POLR1B: variants seen among roughly 807,000 people sequenced by gnomAD.
The protein encoded by POLR1B is DNA-directed RNA polymerase I subunit RPA2.
A neutral mutation model predicts 105.8 loss-of-function variants in POLR1B; 30 were observed. That is an observed-to-expected ratio of 0.28 (90% CI 0.21 to 0.38). The LOEUF (loss-of-function observed/expected upper bound fraction) is 0.38. Among genes scored for constraint, POLR1B ranks in the 10% least tolerant of loss-of-function variants. POLR1B has a pLI of 1.00. For missense variants in POLR1B, 976 were observed against 1,435.8 expected, an observed-to-expected ratio of 0.68 and a Z score of 5.17; for synonymous variants, 485 against 505.1, an observed-to-expected ratio of 0.96 and a Z score of 0.53.
chr2:112,550,923 A>C lies in POLR1B; in HGVS notation c.683A>C (p.Tyr228Ser). 1.9e-6 allele frequency: 3 copies of C among 1,613,758 alleles called. No individual in the cohort carries two copies. Among genetic ancestry groups the C allele is most frequent in the Non-Finnish European group, 2.5e-6 (3 of 1,179,626 alleles). Reference protein sequence around the residue: ...EHSAVNMNLHYLENGTVMLNF... With the variant: ...EHSAVNMNLHSLENGTVMLNF... ...TCCGCTGTCAATATGAACCTCCACTACTTGGAAAATGGCACTGTTATGTTG... is the reference window on the plus strand; with the variant it reads ...TCCGCTGTCAATATGAACCTCCACTCCTTGGAAAATGGCACTGTTATGTTG... Residue 228 changes from tyrosine to serine, a missense_variant, in exon 5 of 15, where the codon TAC becomes TCC. Physicochemically the swap from Tyr to Ser is moderately radical, Grantham distance 144. Coordinates refer to ENST00000263331, the MANE Select transcript of POLR1B (RefSeq NM_019014.6).
rs944730455 is a variant in POLR1B at position 112,561,048 on chromosome 2, G to C, written c.1612+1474G>C. ...CCACTGCACTCCAGCCTGGGTGACAGAGTGAGACTCCATCTAAAAAAAAAA... is the reference window on the plus strand; with the variant it reads ...CCACTGCACTCCAGCCTGGGTGACACAGTGAGACTCCATCTAAAAAAAAAA... On this transcript the variant is annotated intron_variant, in intron 9 of 14. Coordinates refer to ENST00000263331, the MANE Select transcript of POLR1B (RefSeq NM_019014.6). 4.2e-5 allele frequency among the ~76,000 whole-genome samples: 6 copies of C among 143,824 alleles called. 1 individual carries two copies. The highest frequency in any genetic ancestry group is 1.5e-4 in the African/African-American group (6 of 39,542). The allele number at this position is 143,824 out of a possible 152,430, so 94.4% of individuals were successfully genotyped here.
In POLR1B at chr2:112,575,386, C is replaced by G; in HGVS notation, c.3065C>G (p.Thr1022Ser). ...VRTTGARDRVTNQPIGGRNVQ... is the reference protein window; with the variant it reads ...VRTTGARDRVSNQPIGGRNVQ... ...ACAACTGGAGCCCGAGACAGAGTCA[C>G]CAACCAGCCTATTGGGGGAAGAAAT... is the stretch of plus-strand genomic sequence containing the variant. Residue 1022 changes from threonine (T) to serine (S), a missense_variant, in exon 15 of 15, where the codon ACC becomes AGC. Physicochemically the swap from Thr to Ser is moderately conservative, Grantham distance 58. Around this residue, in one of 12 missense-constraint regions of POLR1B, gnomAD observed 13 missense variants for 49.1 expected, o/e 0.26. Transcript: ENST00000263331. The surrounding 1 kb of genome is among the most constrained non-coding windows in gnomAD (Gnocchi z 5.3). The G allele has an allele frequency of 6.2e-7, 1 of 1,614,184 alleles. No individual in the cohort carries two copies. The highest frequency in any genetic ancestry group is 1.1e-5 in the South Asian group (1 of 91,088).
chr2:112,569,850 C>T (rs1318810128), intron 12 of POLR1B, among the ~76,000 whole-genome samples: 2 of 151,966 alleles, frequency 1.3e-5, no homozygotes, highest in African/African-American at 2.4e-5. Context: ...TGAGCCACTG[C>T]GCCCGGCCTC....
upstream of POLR1B, chr2:112,542,073 G>C: frequency 1.3e-6 from 2 of 1,529,094 alleles, no homozygotes; most frequent in Non-Finnish European, 1.8e-6. Context: ...CGGCATCAGC[G>C]TGGGACTGGG....
intron 4 of POLR1B, chr2:112,550,652 G>A (rs184239671): frequency 4.8e-4 from 273 of 564,722 alleles, no homozygotes; most frequent in African/African-American, 4.5e-3. Context: ...TCATAGTTTC[G>A]GTTATTTTAC....
At chr2:112,546,544 C>CTTTTTTTTTTTTTTTTTTTT in intron 1 of POLR1B, among the ~76,000 whole-genome samples, 1 of 53,158 alleles carries the variant, frequency 1.9e-5, no homozygotes, top group Non-Finnish European at 3.1e-5. Context: ...CTGGAGGTAG[C>CTTTTTTTTTTTTTTTTTTTT]TTTTTTTTTT....
chr2:112,555,594 G>T (rs1183410926), intron 7 of POLR1B, among the ~76,000 whole-genome samples: 1 of 152,176 alleles, frequency 6.6e-6, no homozygotes, highest in Non-Finnish European at 1.5e-5. Flanking sequence ...GGAGGATGCA[G>T]TGTGCTGTGA....
chr2:112,575,396 T>C lies in POLR1B; in HGVS notation c.3075T>C (p.Pro1025=), dbSNP rs200088024. ...CCCGAGACAGAGTCACCAACCAGCC[T>C]ATTGGGGGAAGAAATGTCCAGGGTG... ...TGARDRVTNQ[P]IGGRNVQGGI... Residue 1025 remains proline, a synonymous_variant, in exon 15 of 15, where the codon CCT becomes CCC. Transcript: ENST00000263331. This position sits in a 1 kb window ranked among gnomAD's most constrained non-coding sequence, Gnocchi z 5.3. 9 of 1,614,168 alleles carry C rather than the reference T, an allele frequency of 5.6e-6. No individual in the cohort carries two copies. In the Admixed American group the frequency reaches 1.5e-4, roughly 27 times the overall value.
At chr2:112,565,444 C>G (rs1346685701) in intron 10 of POLR1B, among the ~76,000 whole-genome samples, 1 of 152,202 alleles carries the variant, frequency 6.6e-6, no homozygotes, top group Non-Finnish European at 1.5e-5. Context: ...CAAGGACTTT[C>G]TCTTCAATAA....
At chr2:112,547,877 A>G (rs1476894231) in intron 3 of POLR1B, among the ~76,000 whole-genome samples, 1 of 151,960 alleles carries the variant, frequency 6.6e-6, no homozygotes, top group Non-Finnish European at 1.5e-5. Context: ...TTAATCCACA[A>G]AGCTATTGTC....
At chr2:112,572,314 TATC>T (rs1215808174) in intron 12 of POLR1B, among the ~76,000 whole-genome samples, 1 of 152,224 alleles carries the variant, frequency 6.6e-6, no homozygotes, top group African/African-American at 2.4e-5. Context: ...ACATAAATCG[TATC>T]ATATTAAATG....
intron 12 of POLR1B, among the ~76,000 whole-genome samples, chr2:112,571,263 C>T (rs1422160575): frequency 6.6e-6 from 1 of 152,118 alleles, no homozygotes; most frequent in Non-Finnish European, 1.5e-5. Context: ...AGTCAAGTTT[C>T]ACCATTTCTT....
At chr2:112,560,789 G>T (rs1683938796) in intron 9 of POLR1B, among the ~76,000 whole-genome samples, 1 of 152,084 alleles carries the variant, frequency 6.6e-6, no homozygotes, top group South Asian at 2.1e-4. Context: ...GGGCGTGGTG[G>T]CCCATGCCTG....
intron 3 of POLR1B, 27 bp downstream of exon 3, chr2:112,547,594 C>G: frequency 6.2e-7 from 1 of 1,607,844 alleles, no homozygotes; most frequent in South Asian, 1.1e-5. Flanking sequence ...AGGCATGAGA[C>G]AGTAGAGAAG....
chr2:112,561,457 G>T (rs1397421381), intron 9 of POLR1B, among the ~76,000 whole-genome samples: 2 of 92,888 alleles, frequency 2.2e-5, no homozygotes, highest in East Asian at 5.5e-4. Flanking sequence ...GTTCATGGAA[G>T]AGTGTTCTTT....
At chr2:112,569,285 A>G (rs1224919673) in intron 12 of POLR1B, among the ~76,000 whole-genome samples, 1 of 152,222 alleles carries the variant, frequency 6.6e-6, no homozygotes, top group Admixed American at 6.5e-5. Context: ...TCCTGCTGCA[A>G]GATTCAAGTT....
chr2:112,567,094 G>A (rs1414436301), intron 10 of POLR1B, among the ~76,000 whole-genome samples: 1 of 152,054 alleles, frequency 6.6e-6, no homozygotes, highest in Non-Finnish European at 1.5e-5. Context: ...TGCTCTCTTA[G>A]TAAATTTCAA....
Position 112,577,411 on chromosome 2 carries a change from T to C in POLR1B, c.*1682T>C, listed in dbSNP as rs1039212439. Among the ~76,000 whole-genome samples, 29 of 152,286 alleles carry C rather than the reference T, an allele frequency of 1.9e-4. No homozygotes were observed. The highest frequency in any genetic ancestry group is 7.0e-4 in the African/African-American group (29 of 41,562). On this transcript the variant is annotated 3_prime_UTR_variant, in exon 15 of 15. Transcript: ENST00000263331. ...AACGACAAAAAAAATTAGCCAAGCA[T>C]AGTGGCACACCCCTGTAGTCCCAGC...
chr2:112,570,952 G>A (rs1684557907), intron 12 of POLR1B, among the ~76,000 whole-genome samples: 2 of 151,746 alleles, frequency 1.3e-5, no homozygotes, highest in Non-Finnish European at 2.9e-5. Flanking sequence ...CTAATTTTTT[G>A]TATTTTTAGT....
Sources: allele counts gnomAD v4.1 joint callset (sites outside exome capture counted in the v4.1 genomes callset), GRCh38; gene constraint gnomAD v4.1.1; regional missense constraint gnomAD v4.1.1; non-coding constraint Gnocchi (gnomAD v3.1); transcripts MANE v1.5; gene names NCBI Gene and HGNC (gene_info 2026-07-23, HGNC 2026-07-21).